KCNH7: variants seen among roughly 807,000 people sequenced by gnomAD.
KCNH7 encodes the protein voltage-gated inwardly rectifying potassium channel KCNH7.
Under a neutral mutation model 120.8 loss-of-function variants are expected in KCNH7, and 49 were observed. That is an observed-to-expected ratio of 0.41 (90% CI 0.32 to 0.51). The LOEUF is 0.51. Among genes scored for constraint, KCNH7 ranks in the 20% least tolerant of loss-of-function variants. KCNH7 has a pLI of 0.38. For missense variants in KCNH7, 1,097 were observed against 1,446.6 expected (o/e 0.76, Z 3.92); for synonymous variants, 547 against 516.1 (o/e 1.06, Z -0.81).
intron 2 of KCNH7, among the ~76,000 whole-genome samples, chr2:162,715,593 T>C (rs1165273117): frequency 6.6e-6 from 1 of 152,200 alleles, no homozygotes; most frequent in Non-Finnish European, 1.5e-5. Context: ...TTGCCCCATA[T>C]TCTAAATTGA....
At chr2:162,447,437 TA>T (rs1688617906) in intron 6 of KCNH7, among the ~76,000 whole-genome samples, 1 of 152,102 alleles carries the variant, frequency 6.6e-6, no homozygotes, top group Non-Finnish European at 1.5e-5. Context: ...ATATGGGTTT[TA>T]AAAAGCTGAA....
intron 14 of KCNH7, among the ~76,000 whole-genome samples, chr2:162,376,364 G>GT (rs374453027): frequency 0.021 from 3,035 of 145,954 alleles, 184 homozygotes; most frequent in Admixed American, 0.14. Flanking sequence ...TCAAAGTGTG[G>GT]TTTGTTTTTT....
intron 2 of KCNH7, among the ~76,000 whole-genome samples, chr2:162,801,173 T>A (rs1684332757): frequency 6.6e-6 from 1 of 151,678 alleles, no homozygotes; most frequent in Non-Finnish European, 1.5e-5. Flanking sequence ...AGTGCATATT[T>A]GATAAAGTAA....
chr2:162,665,976 AT>A (rs1233358860), intron 2 of KCNH7, among the ~76,000 whole-genome samples: 1 of 152,200 alleles, frequency 6.6e-6, no homozygotes, highest in African/African-American at 2.4e-5. Flanking sequence ...ACTGATAGCG[AT>A]TCAAGGGTAT....
chr2:162,769,817 G>T (rs1179976000), intron 2 of KCNH7, among the ~76,000 whole-genome samples: 1 of 152,078 alleles, frequency 6.6e-6, no homozygotes, highest in Admixed American at 6.6e-5. Context: ...GCATCTGCAG[G>T]TTGAACAGTC....
At chr2:162,695,484 A>T (rs926463120) in intron 2 of KCNH7, among the ~76,000 whole-genome samples, 4 of 152,230 alleles carry the variant, frequency 2.6e-5, no homozygotes, top group Admixed American at 2.6e-4. Context: ...ATGCAAGATT[A>T]TAACGACAAA....
At chr2:162,617,553 A>G (rs181651519) in intron 2 of KCNH7, among the ~76,000 whole-genome samples, 1 of 152,284 alleles carries the variant, frequency 6.6e-6, no homozygotes, top group African/African-American at 2.4e-5. Context: ...GGATTGGGTC[A>G]GACATTAGAG....
chr2:162,628,329 CT>C (rs1683630581), intron 2 of KCNH7, among the ~76,000 whole-genome samples: 1 of 152,130 alleles, frequency 6.6e-6, no homozygotes, highest in Admixed American at 6.6e-5. Context: ...AAGCAAAGGT[CT>C]TCAGGCCAAA....
intron 9 of KCNH7, among the ~76,000 whole-genome samples, chr2:162,400,935 A>G (rs1253153292): frequency 6.6e-6 from 1 of 151,948 alleles, no homozygotes; most frequent in Admixed American, 6.6e-5. Context: ...GGTAAATGTC[A>G]TGTAACAGAG....
chr2:162,415,861 A>G (rs1687527332), intron 9 of KCNH7, among the ~76,000 whole-genome samples: 1 of 152,178 alleles, frequency 6.6e-6, no homozygotes, highest in African/African-American at 2.4e-5. Context: ...CATTCTGACC[A>G]CTGTCTACAT....
intron 2 of KCNH7, among the ~76,000 whole-genome samples, chr2:162,753,578 C>T (rs1380367702): frequency 6.6e-6 from 1 of 151,768 alleles, no homozygotes; most frequent in African/African-American, 2.4e-5. Context: ...TGGAGAATGC[C>T]TTATATTTTT....
intron 2 of KCNH7, among the ~76,000 whole-genome samples, chr2:162,564,762 A>G (rs1693194112): frequency 6.6e-6 from 1 of 152,146 alleles, no homozygotes; most frequent in Admixed American, 6.6e-5. Flanking sequence ...TTCTACCTCT[A>G]AAGTTCATTA....
At chr2:162,704,673 T>TCTTTC (rs1686632786) in intron 2 of KCNH7, among the ~76,000 whole-genome samples, 1 of 152,232 alleles carries the variant, frequency 6.6e-6, no homozygotes, top group Non-Finnish European at 1.5e-5. Context: ...AAAGCCAATT[T>TCTTTC]CTTTCCATCT....
intron 7 of KCNH7, among the ~76,000 whole-genome samples, chr2:162,438,714 C>T (rs1439708439): frequency 6.6e-6 from 1 of 152,094 alleles, no homozygotes; most frequent in Non-Finnish European, 1.5e-5. Context: ...TGCCTTACTT[C>T]TATTGTTATC....
intron 2 of KCNH7, among the ~76,000 whole-genome samples, chr2:162,626,700 T>A (rs1683573931): frequency 6.6e-6 from 1 of 152,152 alleles, no homozygotes; most frequent in Admixed American, 6.6e-5. Flanking sequence ...TCAACTATAT[T>A]CATTATGGGA....
intron 2 of KCNH7, among the ~76,000 whole-genome samples, chr2:162,814,373 CATT>C (rs1390531970): frequency 6.6e-6 from 1 of 152,070 alleles, no homozygotes; most frequent in African/African-American, 2.4e-5. Context: ...ATGGAAATGC[CATT>C]ATTGTTATCT....
At chr2:162,679,526 C>T (rs926165827) in intron 2 of KCNH7, among the ~76,000 whole-genome samples, 10 of 151,528 alleles carry the variant, frequency 6.6e-5, no homozygotes, top group South Asian at 2.1e-4. Flanking sequence ...ATTACTGAAA[C>T]GCTCTGAGCA....
At chr2:162,510,144 T>G (rs1691020868) in intron 5 of KCNH7, among the ~76,000 whole-genome samples, 1 of 151,622 alleles carries the variant, frequency 6.6e-6, no homozygotes, top group Non-Finnish European at 1.5e-5. Context: ...TGCAATTTAT[T>G]TGAAATAACT....
intron 3 of KCNH7, among the ~76,000 whole-genome samples, chr2:162,520,313 C>T (rs1410556312): frequency 6.6e-6 from 1 of 151,520 alleles, no homozygotes; most frequent in Non-Finnish European, 1.5e-5. Flanking sequence ...ATTTCACCTC[C>T]TGAATATCTG....
Sources: gnomAD v4.1 joint callset for allele counts (sites outside exome capture counted in the v4.1 genomes callset) on GRCh38, gnomAD v4.1.1 for gene constraint, MANE v1.5 for transcripts, NCBI Gene and HGNC (gene_info 2026-07-23, HGNC 2026-07-21) for gene names.